Variants in CECR2 observed in about 807,000 individuals in gnomAD.
The protein encoded by CECR2 is chromatin remodeling regulator CECR2.
Under a neutral mutation model 154.5 loss-of-function variants are expected in CECR2, and 30 were observed. The observed-to-expected ratio is 0.19, with a 90% CI of 0.15 to 0.26. The LOEUF is 0.26. Ranked by LOEUF, CECR2 falls within the 10% of genes least tolerant of loss-of-function variation. The pLI is 1.00. For missense variants in CECR2, 1,743 were observed against 1,829.3 expected (o/e 0.95, Z 0.86); for synonymous variants, 725 against 683.7 (o/e 1.06, Z -0.94).
At chr22:17,451,095 G>T (rs1326951033) in intron 1 of CECR2, among the ~76,000 whole-genome samples, 1 of 152,204 alleles carries the variant, frequency 6.6e-6, no homozygotes, top group Non-Finnish European at 1.5e-5. Flanking sequence ...CCACCTCTGT[G>T]ATTTGCCCCC....
chr22:17,444,530 G>A (rs941626493), intron 1 of CECR2, among the ~76,000 whole-genome samples: 4 of 152,084 alleles, frequency 2.6e-5, no homozygotes, highest in Non-Finnish European at 5.9e-5. Flanking sequence ...GGGAGACTGA[G>A]GCACGAGAAT....
rs181532370 is a variant in CECR2, at chr22:17,434,223, G to A, written c.127-43365G>A. 2.1e-3 allele frequency among the ~76,000 whole-genome samples: 317 copies of A among 152,280 alleles called. 5 individuals are homozygous for A. Among genetic ancestry groups the A allele is most frequent in the Admixed American group, 7.4e-3 (113 of 15,280 alleles). On this transcript the variant is annotated intron_variant, in intron 1 of 18. Coordinates refer to ENST00000262608, the MANE Select transcript of CECR2 (RefSeq NM_001290047.2). ...CATGGTGTGACTATTGTTCTGTCAAGGTGAGTGGGAACACAGAGGAAAGGC... is the reference window on the plus strand; with the variant it reads ...CATGGTGTGACTATTGTTCTGTCAAAGTGAGTGGGAACACAGAGGAAAGGC...
intron 1 of CECR2, among the ~76,000 whole-genome samples, chr22:17,408,533 G>A (rs527834826): frequency 3.3e-5 from 5 of 152,210 alleles, no homozygotes; most frequent in East Asian, 1.9e-4. Flanking sequence ...TTGGACATCC[G>A]TAACAACATT....
intron 8 of CECR2, chr22:17,518,540 A>T: frequency 3.7e-6 from 1 of 267,092 alleles, no homozygotes; most frequent in Non-Finnish European, 7.5e-6. Context: ...GTCAATATGG[A>T]CTTCTAGAAT....
Position 17,524,238 on chromosome 22 carries a change from C to G in CECR2, c.1075C>G (p.Arg359Gly). The change falls in exon 9 of 19, where the codon CGC (arginine) becomes GGC (glycine). Residue 359 changes from arginine (R) to glycine (G), a missense_variant. Coordinates refer to ENST00000262608, the MANE Select transcript of CECR2 (RefSeq NM_001290047.2). Reference protein sequence around the residue: ...QEQMLKEERKRELEEKVKAVE... With the variant: ...QEQMLKEERKGELEEKVKAVE... ...GCAGATGCTAAAGGAAGAGAGGAAA[C>G]GCGAGTTGGAGGAGAAGGTCAAGGC... The G allele has an allele frequency of 6.2e-7, 1 of 1,609,436 alleles. No homozygotes were observed. The highest frequency in any genetic ancestry group is 1.1e-5 in the South Asian group (1 of 89,978).
intron 16 of CECR2, among the ~76,000 whole-genome samples, chr22:17,547,237 CT>C (rs111281450): frequency 8.9e-5 from 13 of 146,592 alleles, no homozygotes; most frequent in East Asian, 2.0e-4. Flanking sequence ...AAAAATGCCT[CT>C]TTTTTTTTTG....
chr22:17,481,582 G>A (rs1252170355), intron 2 of CECR2, among the ~76,000 whole-genome samples: 7 of 152,044 alleles, frequency 4.6e-5, no homozygotes, highest in Non-Finnish European at 8.8e-5. Flanking sequence ...TTAGAACAGG[G>A]GCCAGCAAAT....
chr22:17,369,484 A>T lies in CECR2; in HGVS notation c.-300A>T, dbSNP rs1373762214. The T allele has an allele frequency of 6.8e-6, 1 of 146,592 alleles. No homozygotes were observed. The highest frequency in any genetic ancestry group is 1.5e-5 in the Non-Finnish European group (1 of 66,232). 9.1% of individuals were successfully genotyped at this position (146,592 alleles called of 1,614,324 possible). A position where few individuals can be genotyped will look rare whatever the true frequency, so the allele number is the denominator to read the frequency against. Reference sequence around the variant, plus strand: ...CATCTGTTTCTCCGGCGGGGACTCGATTATATTGTAGGGGACTGGGGGCGG... The same window carrying T: ...CATCTGTTTCTCCGGCGGGGACTCGTTTATATTGTAGGGGACTGGGGGCGG... On this transcript the variant is annotated 5_prime_UTR_variant, in exon 1 of 19. Transcript: ENST00000262608.
chr22:17,505,755 C>G (rs915427698), intron 7 of CECR2, among the ~76,000 whole-genome samples: 6 of 148,590 alleles, frequency 4.0e-5, no homozygotes, highest in East Asian at 2.0e-4. Flanking sequence ...CCAGGCTGGT[C>G]TAGAACTCCT....
intron 2 of CECR2, among the ~76,000 whole-genome samples, chr22:17,488,379 C>CTAT (rs2055462812): frequency 6.6e-6 from 1 of 152,150 alleles, no homozygotes; most frequent in Admixed American, 6.5e-5. Flanking sequence ...AATGAGGGCA[C>CTAT]CACATAGTCA....
Position 17,541,987 on chromosome 22 carries a change from GGT to G in CECR2, c.2013+22_2013+23del. On this transcript the variant is annotated intron_variant, in intron 15 of 18. Coordinates refer to ENST00000262608, the MANE Select transcript of CECR2 (RefSeq NM_001290047.2). ...ATGCAGGTAAGCAGCCTACTCTGGA[GGT>G]GCAGGTGCAGGGGGTCCCACAGGTA... 1 of 1,605,828 alleles carries G rather than the reference GGT, an allele frequency of 6.2e-7. No homozygotes were observed. Among genetic ancestry groups the G allele is most frequent in the Non-Finnish European group, 8.5e-7 (1 of 1,175,852 alleles).
intron 16 of CECR2, among the ~76,000 whole-genome samples, chr22:17,546,507 A>T (rs964595876): frequency 1.1e-4 from 16 of 151,210 alleles, no homozygotes; most frequent in Admixed American, 2.6e-4. Flanking sequence ...AAAAAAAAAA[A>T]TCCTGTTTAG....
chr22:17,535,462 T>G (rs903186515), intron 9 of CECR2, among the ~76,000 whole-genome samples: 18 of 152,204 alleles, frequency 1.2e-4, no homozygotes, highest in African/African-American at 4.3e-4. Context: ...CACACATGCT[T>G]GAGAAGACAT....
chr22:17,427,507 G>A lies in CECR2; in HGVS notation c.127-50081G>A, dbSNP rs542215234. ...GAGTGTTACAGCTCTTAAAGGTGGC[G>A]CGTCCAGGGTTTGTTCCTTCCGGTG... On this transcript the variant is annotated intron_variant, in intron 1 of 18. Coordinates refer to ENST00000262608, the MANE Select transcript of CECR2 (RefSeq NM_001290047.2). Among the ~76,000 whole-genome samples the A allele has an allele frequency of 2.8e-4, 42 of 152,214 alleles. 1 individual carries two copies. The Middle Eastern group carries it at 0.01, about 37-fold the overall frequency.
At chr22:17,447,441 C>T (rs1431937147) in intron 1 of CECR2, among the ~76,000 whole-genome samples, 2 of 151,922 alleles carry the variant, frequency 1.3e-5, no homozygotes, top group East Asian at 1.9e-4. Context: ...GCGTGAGCCA[C>T]CGTGCCCGGC....
rs1339121774 is a variant in CECR2 at position 17,447,033 on chromosome 22, C to CTGTTTTTTTTTTTTTTTTT, written c.127-30554_127-30553insGTTTTTTTTTTTTTTTTTT. Among the ~76,000 whole-genome samples the CTGTTTTTTTTTTTTTTTTT allele has an allele frequency of 5.5e-4, 63 of 114,104 alleles. 5 individuals carry two copies. Among genetic ancestry groups the CTGTTTTTTTTTTTTTTTTT allele is most frequent in the African/African-American group, 1.9e-3 (50 of 26,696 alleles). 74.9% of individuals were successfully genotyped at this position (114,104 alleles called of 152,430 possible). A position where few individuals can be genotyped will look rare whatever the true frequency, so the allele number is the denominator to read the frequency against. Reference sequence around the variant, plus strand: ...GAGTGCTGAGTGGTGCGTTTACAATCTTTTTTTTTTTTTTTTTTTGAGACA... The same window carrying CTGTTTTTTTTTTTTTTTTT: ...GAGTGCTGAGTGGTGCGTTTACAATCTGTTTTTTTTTTTTTTTTTTTTTTTTTTTTTTTTTTTTGAGACA... On this transcript the variant is annotated intron_variant, in intron 1 of 18. Transcript: ENST00000262608.
chr22:17,430,795 C>T (rs543046910), intron 1 of CECR2, among the ~76,000 whole-genome samples: 2 of 152,190 alleles, frequency 1.3e-5, no homozygotes, highest in African/African-American at 2.4e-5. Flanking sequence ...CTCCTTGGCT[C>T]TCAAATGACC....
At chr22:17,403,619 T>A (rs1439517390) in intron 1 of CECR2, among the ~76,000 whole-genome samples, 1 of 152,168 alleles carries the variant, frequency 6.6e-6, no homozygotes, top group East Asian at 1.9e-4. Flanking sequence ...AGGGCTATTT[T>A]AATGTGGTTT....
At chr22:17,485,822 G>A (rs546779649) in intron 2 of CECR2, among the ~76,000 whole-genome samples, 1 of 152,286 alleles carries the variant, frequency 6.6e-6, no homozygotes, top group East Asian at 1.9e-4. Flanking sequence ...GATATAGTTA[G>A]TGTTGTATTC....
Sources: allele counts gnomAD v4.1 joint callset (sites outside exome capture counted in the v4.1 genomes callset), GRCh38; gene constraint gnomAD v4.1.1; transcripts MANE v1.5; gene names NCBI Gene and HGNC (gene_info 2026-07-23, HGNC 2026-07-21).